Variants in VIPAS39 observed in about 807,000 individuals in gnomAD.
VIPAS39 encodes the protein VPS33B interacting protein, apical-basolateral polarity regulator, spe-39 homolog, also known as spermatogenesis-defective protein 39 homolog.
VIPAS39 carries 63 observed loss-of-function variants against 84.7 expected under a neutral mutation model. The ratio of observed to expected loss-of-function variants is 0.74; its 90% CI spans 0.61 to 0.92. The LOEUF (loss-of-function observed/expected upper bound fraction) is 0.92. VIPAS39 is among the 40% of genes least tolerant of loss of function. The pLI is 0.00. For missense variants in VIPAS39, 499 were observed against 604.5 expected (o/e 0.83, Z 1.83); for synonymous variants, 192 against 216.5 (o/e 0.89, Z 0.99).
chr14:77,443,092 TGAA>T, intron 9 of VIPAS39, 24 bp downstream of exon 9: 1 of 1,614,178 alleles, frequency 6.2e-7, no homozygotes, highest in Non-Finnish European at 8.5e-7. Context: ...CCTTGCTGAC[TGAA>T]GATTTCCTGC....
chr14:77,441,389 G>A (rs918405753), intron 10 of VIPAS39, among the ~76,000 whole-genome samples: 1 of 151,456 alleles, frequency 6.6e-6, no homozygotes, highest in Non-Finnish European at 1.5e-5. Flanking sequence ...TTTTTCCTAA[G>A]ATTAAAGCAC....
chr14:77,433,818 G>A, intron 16 of VIPAS39, 24 bp downstream of exon 16: 1 of 1,611,592 alleles, frequency 6.2e-7, no homozygotes, highest in African/African-American at 1.3e-5. Context: ...CAAGGCCTCA[G>A]CAGCACAGGG....
At chr14:77,443,620 C>T (rs913788092) in intron 8 of VIPAS39, among the ~76,000 whole-genome samples, 5 of 152,016 alleles carry the variant, frequency 3.3e-5, no homozygotes, top group African/African-American at 9.7e-5. Flanking sequence ...CAAGGCCAAG[C>T]GTGGTAGCTC....
rs1349837282 is a variant in VIPAS39 at position 77,454,220 on chromosome 14, C to G, written c.1-118G>C. The G allele has an allele frequency of 1.4e-5, 13 of 905,190 alleles. No homozygotes were observed. In the East Asian group the frequency reaches 3.4e-4, roughly 23 times the overall value. 56.1% of individuals were successfully genotyped at this position (905,190 alleles called of 1,614,324 possible). A position where few individuals can be genotyped will look rare whatever the true frequency, so the allele number is the denominator to read the frequency against. On this transcript the variant is annotated intron_variant, in intron 1 of 19. Transcript: ENST00000557658. ...AAAAATCAAGGATGCAGAAAAGAAT[C>G]TGGTAAAACAAATATTGAACCTGCC...
chr14:77,427,567 C>T lies in VIPAS39; in HGVS notation c.*49G>A. On this transcript the variant is annotated 3_prime_UTR_variant, in exon 20 of 20. Transcript: ENST00000557658. ...CAAAGAAGAGCTCTCTCTGCTTTCA[C>T]AGGCAGGAGAGGAGGAAATGAGGCA... 1 of 1,612,888 alleles carries T rather than the reference C, an allele frequency of 6.2e-7. No homozygotes were observed. Among genetic ancestry groups the T allele is most frequent in the Non-Finnish European group, 8.5e-7 (1 of 1,178,890 alleles).
At chr14:77,449,088 A>T (rs899637623) in intron 6 of VIPAS39, among the ~76,000 whole-genome samples, 2 of 152,208 alleles carry the variant, frequency 1.3e-5, no homozygotes, top group African/African-American at 4.8e-5. Flanking sequence ...CTGAGTCAGA[A>T]TATAGAGATT....
At chr14:77,439,738 C>T (rs992690822) in intron 11 of VIPAS39, among the ~76,000 whole-genome samples, 7 of 151,694 alleles carry the variant, frequency 4.6e-5, no homozygotes, top group Admixed American at 6.6e-5. Flanking sequence ...TATATGATCA[C>T]GCACCACTGT....
At chr14:77,450,591 A>G (rs1274709628) in intron 4 of VIPAS39, among the ~76,000 whole-genome samples, 1 of 152,168 alleles carries the variant, frequency 6.6e-6, no homozygotes, top group Non-Finnish European at 1.5e-5. Context: ...GTTCACTACA[A>G]CCTTTGCCTC....
At chr14:77,440,056 A>T (rs113571674) in intron 11 of VIPAS39, among the ~76,000 whole-genome samples, 2 of 151,910 alleles carry the variant, frequency 1.3e-5, no homozygotes, top group African/African-American at 4.8e-5. Flanking sequence ...CTAATTTTTT[A>T]AATTTTTTTT....
rs886044709 is a variant in VIPAS39 at position 77,429,726 on chromosome 14, G to C, written c.1221C>G (p.Phe407Leu). The change falls in exon 17 of 20, where the codon TTC becomes TTG. Residue 407 changes from phenylalanine (F) to leucine (L), a missense_variant. Phe to Leu is a conservative substitution (Grantham distance 22). Transcript: ENST00000557658. ...TGTGCAAAATTTCGACAACCCGATG[G>C]AAGCCAATGGGTGCTCTCTTCTTGG... ...GYTKKRAPIG[F>L]HRVVEILHKN... 1 of 1,614,168 alleles carries C rather than the reference G, an allele frequency of 6.2e-7. No homozygotes were observed. Among genetic ancestry groups the C allele is most frequent in the South Asian group, 1.1e-5 (1 of 91,074 alleles).
intron 11 of VIPAS39, among the ~76,000 whole-genome samples, chr14:77,440,746 T>C (rs2078689077): frequency 6.6e-6 from 1 of 152,170 alleles, no homozygotes; most frequent in Admixed American, 6.5e-5. Flanking sequence ...TGAGACAGAG[T>C]CTCACTCTGT....
intron 2 of VIPAS39, 149 bp downstream of exon 2, chr14:77,453,861 G>T: frequency 1.3e-6 from 1 of 751,404 alleles, no homozygotes; most frequent in Non-Finnish European, 2.3e-6. Flanking sequence ...AGTAAGAAAG[G>T]CAGTGAGCTG....
intron 16 of VIPAS39, among the ~76,000 whole-genome samples, chr14:77,430,577 C>T (rs2078505821): frequency 6.6e-6 from 1 of 151,840 alleles, no homozygotes; most frequent in Admixed American, 6.6e-5. Flanking sequence ...ATTAGCCGGG[C>T]AGGGTGGCGC....
intron 7 of VIPAS39, among the ~76,000 whole-genome samples, chr14:77,445,250 T>C (rs1289393945): frequency 1.3e-5 from 2 of 152,214 alleles, no homozygotes; most frequent in Admixed American, 6.5e-5. Context: ...TGAGCCACCA[T>C]GCCCAGCCAG....
intron 10 of VIPAS39, among the ~76,000 whole-genome samples, chr14:77,441,559 T>A (rs1381422651): frequency 2.6e-5 from 4 of 152,146 alleles, no homozygotes; most frequent in African/African-American, 9.7e-5. Context: ...ATAATTAACA[T>A]TACCATTTTG....
At chr14:77,427,658 A>C in intron 19 of VIPAS39, 22 bp from the exon 20 acceptor site, 1 of 1,614,182 alleles carries the variant, frequency 6.2e-7, no homozygotes, top group Non-Finnish European at 8.5e-7. Context: ...GGAAACAATG[A>C]AAGTGTGTGA....
chr14:77,433,944 G>T lies in VIPAS39; in HGVS notation c.1090-13C>A. 1 of 1,613,600 alleles carries T rather than the reference G, an allele frequency of 6.2e-7. No homozygotes were observed. The highest frequency in any genetic ancestry group is 1.1e-5 in the South Asian group (1 of 90,926). On this transcript the variant is annotated splice_polypyrimidine_tract_variant and intron_variant, in intron 15 of 19. Transcript: ENST00000557658. ...GTTTATCTGGGATCTGGAAAGCAGA[G>T]ACCGAGAAAAATTAAGGGGAAGTAG...
intron 6 of VIPAS39, among the ~76,000 whole-genome samples, chr14:77,448,882 G>A (rs1258720482): frequency 6.6e-6 from 1 of 152,172 alleles, no homozygotes; most frequent in Non-Finnish European, 1.5e-5. Context: ...TTGGCCAACA[G>A]AAGGAAAGAG....
chr14:77,456,410 T>C (rs567262700), intron 1 of VIPAS39, among the ~76,000 whole-genome samples: 11 of 152,200 alleles, frequency 7.2e-5, no homozygotes, highest in East Asian at 1.9e-4. Flanking sequence ...GTATAGAACA[T>C]ATAAATGTCT....
Sources: gnomAD v4.1 joint callset for allele counts (sites outside exome capture counted in the v4.1 genomes callset) on GRCh38, gnomAD v4.1.1 for gene constraint, MANE v1.5 for transcripts, NCBI Gene and HGNC (gene_info 2026-07-23, HGNC 2026-07-21) for gene names.